The following PDE4C variants were observed in gnomAD, a reference collection of about 807,000 sequenced individuals.
The protein encoded by PDE4C is 3',5'-cyclic-AMP phosphodiesterase 4C.
In PDE4C, 50 loss-of-function variants were observed where a neutral mutation model predicts 63.9. The ratio of observed to expected loss-of-function variants is 0.78; its 90% CI spans 0.62 to 0.99. The LOEUF (loss-of-function observed/expected upper bound fraction) is 0.99. PDE4C is among the 50% of genes least tolerant of loss of function. The pLI is 0.00. For missense variants in PDE4C, 777 were observed against 899.1 expected (o/e 0.86, Z 1.74); for synonymous variants, 377 against 385.1 (o/e 0.98, Z 0.25).
At chr19:18,249,969 G>C (rs1402810218), upstream of PDE4C, 4 of 396,304 alleles carry the variant, frequency 1.0e-5, no homozygotes, top group East Asian at 1.4e-4. Context: ...ACAGAGCCCA[G>C]CACATAGTAG....
chr19:18,220,139 C>T lies in PDE4C; in HGVS notation c.706+87G>A. The T allele has an allele frequency of 9.3e-7, 1 of 1,072,984 alleles. No homozygotes were observed. Among genetic ancestry groups the T allele is most frequent in the East Asian group, 2.4e-5 (1 of 42,040 alleles). 66.5% of individuals were successfully genotyped at this position (1,072,984 alleles called of 1,614,324 possible). On this transcript the variant is annotated intron_variant, in intron 7 of 14. Transcript: ENST00000262805. This position sits in a 1 kb window ranked among gnomAD's most constrained non-coding sequence, Gnocchi z 5.1. ...GGTGTCTGTGTCTGGCTGTATCTCC[C>T]CCAGACTGAGGTCTATCATAGGAAT...
chr19:18,242,589 C>T (rs1220088982), intron 1 of PDE4C, among the ~76,000 whole-genome samples: 1 of 150,588 alleles, frequency 6.6e-6, no homozygotes, highest in African/African-American at 2.5e-5. Flanking sequence ...CAAGACCAAC[C>T]TGGCCAGCAT....
upstream of PDE4C, among the ~76,000 whole-genome samples, chr19:18,249,429 CACG>C (rs1969198588): frequency 6.6e-6 from 1 of 152,066 alleles, no homozygotes; most frequent in East Asian, 1.9e-4. Context: ...CACACACCAC[CACG>C]CCTGGCTAAT....
At chr19:18,249,093 C>G (rs2148078630), upstream of PDE4C, among the ~76,000 whole-genome samples, 1 of 151,166 alleles carries the variant, frequency 6.6e-6, no homozygotes, top group African/African-American at 2.4e-5. Flanking sequence ...CAAGACTGCA[C>G]TACTGCACTC....
chr19:18,238,097 T>C (rs1179652534), upstream of PDE4C, among the ~76,000 whole-genome samples: 1 of 151,782 alleles, frequency 6.6e-6, no homozygotes, highest in Non-Finnish European at 1.5e-5. Context: ...TCGTGGTGTA[T>C]GCCTGTAACC....
At chr19:18,241,560 CCCGGCCAAGA>C (rs1285564600) in intron 1 of PDE4C, among the ~76,000 whole-genome samples, 2 of 151,486 alleles carry the variant, frequency 1.3e-5, no homozygotes, top group African/African-American at 4.9e-5. Context: ...AGCCACCGCG[CCCGGCCAAGA>C]CAGGGTCTTT....
exon 13 of PDE4C, chr19:18,213,421 T>G: frequency 1.9e-6 from 3 of 1,613,922 alleles, no homozygotes; most frequent in Non-Finnish European, 2.5e-6. Context: ...CTTGTCACCT[T>G]CTTGGTCTCC....
upstream of PDE4C, among the ~76,000 whole-genome samples, chr19:18,238,470 T>C (rs368722179): frequency 2.8e-4 from 43 of 151,830 alleles, no homozygotes; most frequent in South Asian, 7.9e-3. Flanking sequence ...ACTCCTGACC[T>C]CAAGTGATCT....
chr19:18,248,545 TGA>T (rs781604831), upstream of PDE4C, among the ~76,000 whole-genome samples: 7 of 149,318 alleles, frequency 4.7e-5, no homozygotes, highest in Non-Finnish European at 1.0e-4. Context: ...TATGATAGAG[TGA>T]GAGAGAGGGC....
the PDE4C span, among the ~76,000 whole-genome samples, chr19:18,254,678 G>A: frequency 1.3e-5 from 2 of 152,286 alleles, no homozygotes; most frequent in East Asian, 1.9e-4. Context: ...GTAGGACACC[G>A]GTCAGAGAGA....
chr19:18,221,055 C>CGCCCCCCCCCCCCCCCCCCCCCA, intron 4 of PDE4C, 50 bp downstream of exon 4: 1 of 763,412 alleles, frequency 1.3e-6, no homozygotes, highest in Non-Finnish European at 1.8e-6. Context: ...GCTTTCCGCC[C>CGCCCCCCCCCCCCCCCCCCCCCA]ACCTTGTCTC....
rs1273096546 is a variant in PDE4C, at chr19:18,220,659, TC to T, written c.500-145del. On this transcript the variant is annotated intron_variant, in intron 5 of 14. Coordinates refer to ENST00000262805, the Ensembl canonical transcript of PDE4C. The surrounding 1 kb of genome is among the most constrained non-coding windows in gnomAD (Gnocchi z 5.1). ...TCCTGGACCCAAGTTCCAGATCTGT[TC>T]CCCGAGTGCCTGTGTGACCATGAGA... 1.2e-6 allele frequency: 1 copy of T among 806,826 alleles called. No individual in the cohort carries two copies. Among genetic ancestry groups the T allele is most frequent in the African/African-American group, 1.7e-5 (1 of 58,230 alleles). The allele number at this position is 806,826 out of a possible 1,614,324, so 50.0% of individuals were successfully genotyped here. A position where few individuals can be genotyped will look rare whatever the true frequency, so the allele number is the denominator to read the frequency against.
At chr19:18,211,337 C>A in intron 14 of PDE4C, 61 bp from the exon 15 acceptor site, 1 of 1,381,350 alleles carries the variant, frequency 7.2e-7, no homozygotes, top group Non-Finnish European at 9.8e-7. Context: ...TAGACTCAAT[C>A]CAGCCTCCAG....
chr19:18,228,261 A>G (rs8105142), upstream of PDE4C, among the ~76,000 whole-genome samples: 5,957 of 152,026 alleles, frequency 0.039, 375 homozygotes, highest in African/African-American at 0.14. Context: ...CCCTCCCCCA[A>G]AATCACAGAC....
upstream of PDE4C, among the ~76,000 whole-genome samples, chr19:18,234,835 CTG>C (rs1318985521): frequency 6.6e-6 from 1 of 152,138 alleles, no homozygotes; most frequent in Non-Finnish European, 1.5e-5. Context: ...TCATGTCTTG[CTG>C]TGTGACGCAT....
chr19:18,222,324 C>G lies in PDE4C; in HGVS notation c.147-1G>C. On this transcript the variant is annotated splice_acceptor_variant, in intron 1 of 14. Transcript: ENST00000262805. LOFTEE classifies it high-confidence loss of function. ...CGAGAGCCCATTTTCCAGGTCAAAG[C>G]TGAAAGGAGAGACGGCATGGTCAGA... 4 of 1,607,290 alleles carry G rather than the reference C, an allele frequency of 2.5e-6. No individual in the cohort carries two copies. Among genetic ancestry groups the G allele is most frequent in the Middle Eastern group, 1.9e-4 (1 of 5,136 alleles).
chr19:18,219,655 C>T (rs1020985570), intron 7 of PDE4C: 11 of 413,510 alleles, frequency 2.7e-5, no homozygotes, highest in East Asian at 2.5e-4. Context: ...GAAACCCCAT[C>T]GCTACTAAAA....
At chr19:18,240,726 C>CA (rs199745905) in intron 1 of PDE4C, among the ~76,000 whole-genome samples, 1,724 of 150,414 alleles carry the variant, frequency 0.011, 26 homozygotes, top group African/African-American at 0.04. Flanking sequence ...GACTACGTCT[C>CA]AAAAAAAAAT....
exon 15 of PDE4C, chr19:18,210,599 C>G (rs1329048891): frequency 8.5e-6 from 2 of 234,182 alleles, no homozygotes; most frequent in East Asian, 1.7e-4. Context: ...AGATGTGACT[C>G]AAGAGTGACC....
Sources: allele counts gnomAD v4.1 joint callset (sites outside exome capture counted in the v4.1 genomes callset), GRCh38; gene constraint gnomAD v4.1.1; non-coding constraint Gnocchi (gnomAD v3.1); transcripts MANE v1.5; gene names NCBI Gene and HGNC (gene_info 2026-07-23, HGNC 2026-07-21).